The following FOXP3 variants were observed in gnomAD, a reference collection of about 807,000 sequenced individuals.
FOXP3 encodes forkhead box P3.
Under a neutral mutation model 31.2 loss-of-function variants are expected in FOXP3, and 5 were observed. That is an observed-to-expected ratio of 0.16 (90% confidence interval 0.08 to 0.34). The LOEUF is 0.34. Ranked by LOEUF, FOXP3 falls within the 10% of genes least tolerant of loss-of-function variation. The pLI is 1.00. For synonymous variants in FOXP3, 141 were observed against 148.8 expected (o/e 0.95, Z 0.38); for missense variants, 251 against 363.0 (o/e 0.69, Z 2.51).
intron 2 of FOXP3, among the ~76,000 whole-genome samples, 164 bp from the exon 3 acceptor site, chrX:49,257,932 C>T (rs1309635686): frequency 8.9e-6 from 1 of 112,572 alleles, no homozygotes; most frequent in Admixed American, 9.3e-5. Context: ...TTTTAAAGAT[C>T]AAACAGCTAA....
intron 1 of FOXP3, among the ~76,000 whole-genome samples, chrX:49,262,805 C>T (rs1444686588): frequency 1.8e-5 from 2 of 111,464 alleles, no homozygotes; most frequent in African/African-American, 6.5e-5. Context: ...GACAGTCTGG[C>T]TCCAGTACCC....
rs1221724650 is a variant in FOXP3, at chrX:49,260,816, C to T, written c.-22-2289G>A. Among the ~76,000 whole-genome samples, 6 of 113,056 alleles carry T rather than the reference C, an allele frequency of 5.3e-5. No homozygotes were observed. The East Asian group carries it at 1.1e-3, about 21-fold the overall frequency. ...TTGACGTCATGGCGGCCGGATGCGCCGGGCTTCATCGACACCACGGAGGAA... is the reference window on the plus strand; with the variant it reads ...TTGACGTCATGGCGGCCGGATGCGCTGGGCTTCATCGACACCACGGAGGAA... On this transcript the variant is annotated intron_variant, in intron 1 of 11. Transcript: ENST00000376207.
At chrX:49,258,561 G>A in intron 1 of FOXP3, 34 bp from the exon 2 acceptor site, 2 of 1,047,907 alleles carry the variant, frequency 1.9e-6, no homozygotes, top group Non-Finnish European at 2.5e-6. Context: ...AGTCACACGT[G>A]TGCTAGGGCG....
chrX:49,254,470 C>T (rs1024498306), intron 8 of FOXP3, among the ~76,000 whole-genome samples: 72 of 111,743 alleles, frequency 6.4e-4, no homozygotes, highest in African/African-American at 2.3e-3. Context: ...AAAGCAAGGA[C>T]GCCCTCTTCT....
chrX:49,258,062 C>T (rs2147949421), intron 2 of FOXP3, among the ~76,000 whole-genome samples: 1 of 112,278 alleles, frequency 8.9e-6, no homozygotes, highest in South Asian at 3.7e-4. Context: ...CGGCCTCCTC[C>T]TCTCCTGAGA....
intron 1 of FOXP3, 103 bp from the exon 2 acceptor site, chrX:49,258,630 G>T: frequency 1.5e-6 from 1 of 666,214 alleles, no homozygotes; most frequent in Non-Finnish European, 2.2e-6. Flanking sequence ...AGCAGGCATT[G>T]GCTGGGACAT....
chrX:49,252,003 C>A (rs1377884382), intron 10 of FOXP3: 4 of 617,753 alleles, frequency 6.5e-6, no homozygotes, highest in Admixed American at 9.2e-5. Context: ...GGTAAGGGAT[C>A]AGGACTGAGG....
chrX:49,253,605 T>G (rs1471162436), intron 9 of FOXP3, among the ~76,000 whole-genome samples: 2 of 111,993 alleles, frequency 1.8e-5, no homozygotes, highest in African/African-American at 6.5e-5. Context: ...CTGGAATTAC[T>G]TAGCAGGGTC....
chrX:49,255,297 T>C (rs1169516715), intron 8 of FOXP3, 132 bp downstream of exon 8: 4 of 556,488 alleles, frequency 7.2e-6, no homozygotes, highest in African/African-American at 4.6e-5. Flanking sequence ...GGTCTGGGCA[T>C]GTTTGGAGCT....
rs782032644 is a variant in FOXP3, at chrX:49,258,236, C to T, written c.210+60G>A. On this transcript the variant is annotated intron_variant, in intron 2 of 11. Transcript: ENST00000376207. ...TCCCGCCCAGTGCCACAGTAAAGGT[C>T]GGCACCTGTAGGTCCAGGTACCCCA... 1.7e-4 allele frequency: 164 copies of T among 968,850 alleles called. No individual in the cohort carries two copies. The African/African-American group carries it at 2.9e-3, about 17-fold the overall frequency. The allele number at this position is 968,850 out of a possible 1,213,427, so 79.8% of individuals were successfully genotyped here.
At chrX:49,259,152 T>C in intron 1 of FOXP3, 1 of 525,042 alleles carries the variant, frequency 1.9e-6, no homozygotes, top group Non-Finnish European at 3.5e-6. Flanking sequence ...AGCTTGGATG[T>C]AGTGGGCAAG....
intron 1 of FOXP3, among the ~76,000 whole-genome samples, chrX:49,263,633 A>G (rs1482915144): frequency 8.9e-6 from 1 of 112,427 alleles, no homozygotes; most frequent in African/African-American, 3.2e-5. Context: ...CAAAACCAAT[A>G]TATAGCATGA....
chrX:49,258,306 G>A lies in FOXP3; in HGVS notation c.200C>T (p.Ser67Leu), dbSNP rs1382549860. The change falls in exon 2 of 12, where the codon TCG (serine) becomes TTG (leucine). Residue 67 changes from serine (S) to leucine (L), a missense_variant. Around this residue, in one of 4 missense-constraint regions of FOXP3, gnomAD observed 152 missense variants for 188.1 expected, o/e 0.81. Coordinates refer to ENST00000376207, the MANE Select transcript of FOXP3 (RefSeq NM_014009.4). ...SSSSLNPMPP[S>L]QLQLPTLPLV... Reference sequence around the variant, plus strand: ...GGCCCAGGGCCTCACCTGCAGCTGCGATGGTGGCATGGGGTTCAAGGAAGA... The same window carrying A: ...GGCCCAGGGCCTCACCTGCAGCTGCAATGGTGGCATGGGGTTCAAGGAAGA... The A allele has an allele frequency of 1.0e-5, 12 of 1,163,976 alleles. No individual in the cohort carries two copies. Among genetic ancestry groups the A allele is most frequent in the Middle Eastern group, 2.3e-4 (1 of 4,288 alleles).
chrX:49,256,860 G>A lies in FOXP3; in HGVS notation c.543-5C>T. 3 of 1,210,153 alleles carry A rather than the reference G, an allele frequency of 2.5e-6. No homozygotes were observed. The highest frequency in any genetic ancestry group is 3.4e-6 in the Non-Finnish European group (3 of 893,667). On this transcript the variant is annotated splice_region_variant and splice_polypyrimidine_tract_variant and intron_variant, in intron 5 of 11. Coordinates refer to ENST00000376207, the MANE Select transcript of FOXP3 (RefSeq NM_014009.4). Reference sequence around the variant, plus strand: ...TGGGGCACAGCCGAAAGGGTGCTGGGGGGACAGAGGGTGTCAGGGGAGGGG... The same window carrying A: ...TGGGGCACAGCCGAAAGGGTGCTGGAGGGACAGAGGGTGTCAGGGGAGGGG...
rs782472240 is a variant in FOXP3 at position 49,253,153 on chromosome X, A to G, written c.1017T>C (p.Pro339=). The stretch of plus-strand genomic sequence containing the variant: ...AGCGGATGAGCGTGGCGTAGGTGAA[A>G]GGGGGTCGCATGTTGTGGAACTTGA... The part of the protein sequence containing the change: ...DYFKFHNMRP[P]FTYATLIRWA... The change falls in exon 10 of 12, where the codon CCT becomes CCC. Residue 339 remains proline (P), a synonymous_variant. Transcript: ENST00000376207. The G allele has an allele frequency of 2.5e-6, 3 of 1,209,721 alleles. No homozygotes were observed.
At chrX:49,256,220 AAGAGAGAGAGAGAGAGAGAGAGAGAGAG>A (rs782303757) in intron 6 of FOXP3, among the ~76,000 whole-genome samples, 100 of 66,697 alleles carry the variant, frequency 1.5e-3, no homozygotes, top group Admixed American at 1.3e-3. Context: ...GAGAGAGAGA[AAGAGAGAGAGAGAGAGAGAGAGAGAGAG>A]AGAGAGAGAG....
intron 1 of FOXP3, among the ~76,000 whole-genome samples, chrX:49,261,427 G>A: frequency 8.9e-6 from 1 of 112,699 alleles, no homozygotes; most frequent in Non-Finnish European, 1.9e-5. Flanking sequence ...CCTTTGGTCT[G>A]GGCCTCATGG....
chrX:49,251,615 C>T (rs782766362), intron 11 of FOXP3, 49 bp downstream of exon 11: 4 of 1,207,290 alleles, frequency 3.3e-6, no homozygotes, highest in Admixed American at 2.2e-5. Context: ...CTTTGAGCTG[C>T]GATGGCACTT....
rs781809477 is a variant in FOXP3, at chrX:49,253,900, G to C, written c.967+17C>G. The stretch of plus-strand genomic sequence containing the variant: ...TAGGAGCTTGGGGGCACCGTGTAGT[G>C]CAAGGACCATTCTTACCTGGGAATG... On this transcript the variant is annotated intron_variant, in intron 9 of 11. Transcript: ENST00000376207. The C allele has an allele frequency of 4.1e-6, 5 of 1,209,089 alleles. No individual in the cohort carries two copies. In the South Asian group the frequency reaches 7.1e-5, roughly 17 times the overall value.
Sources: gnomAD v4.1 joint callset for allele counts (sites outside exome capture counted in the v4.1 genomes callset) on GRCh38, gnomAD v4.1.1 for gene constraint, gnomAD v4.1.1 regional missense constraint, MANE v1.5 for transcripts, NCBI Gene and HGNC (gene_info 2026-07-23, HGNC 2026-07-21) for gene names.